The following TMCC1 variants were observed in gnomAD, a reference collection of about 807,000 sequenced individuals.
TMCC1 encodes transmembrane and coiled-coil domain family 1.
In TMCC1, 15 loss-of-function variants were observed where a neutral mutation model predicts 52.4. The observed-to-expected ratio is 0.29, with a 90% CI of 0.19 to 0.44. The LOEUF is 0.44. Among genes scored for constraint, TMCC1 ranks in the 20% least tolerant of loss-of-function variants. The probability of loss-of-function intolerance (pLI) is 1.00; values close to 1 mark genes in which losing one functional copy is unlikely to be tolerated. For missense variants in TMCC1, 503 were observed against 806.0 expected, an observed-to-expected ratio of 0.62 and a Z score of 4.55; for synonymous variants, 279 against 301.9, an observed-to-expected ratio of 0.92 and a Z score of 0.79.
intron 6 of TMCC1, among the ~76,000 whole-genome samples, chr3:129,653,871 T>C (rs190780979): frequency 4.1e-4 from 62 of 152,324 alleles, no homozygotes; most frequent in South Asian, 6.2e-4. Context: ...TACTAATACA[T>C]TAATGAAACA....
At chr3:129,847,379 C>T (rs145710974) in intron 2 of TMCC1, 3 of 152,246 alleles carry the variant, frequency 2.0e-5, no homozygotes, top group African/African-American at 7.2e-5. Context: ...TCATATGCTC[C>T]TAATAGTGCT....
intron 4 of TMCC1, among the ~76,000 whole-genome samples, chr3:129,685,703 TC>T (rs1364715886): frequency 6.6e-6 from 1 of 152,172 alleles, no homozygotes; most frequent in Non-Finnish European, 1.5e-5. Flanking sequence ...ACTAAAGGTT[TC>T]CCAATGATAA....
At chr3:129,718,985 T>C (rs2049341604) in intron 4 of TMCC1, among the ~76,000 whole-genome samples, 1 of 152,138 alleles carries the variant, frequency 6.6e-6, no homozygotes, top group African/African-American at 2.4e-5. Flanking sequence ...GAGTTAACTG[T>C]ATTTGGTCGT....
intron 1 of TMCC1, among the ~76,000 whole-genome samples, chr3:129,889,082 G>C (rs1439042206): frequency 1.3e-5 from 2 of 152,046 alleles, no homozygotes; most frequent in Non-Finnish European, 2.9e-5. Flanking sequence ...GACCAGCCTG[G>C]GCACCATGGT....
chr3:129,655,752 G>A (rs569274793), intron 5 of TMCC1, among the ~76,000 whole-genome samples: 128 of 152,328 alleles, frequency 8.4e-4, no homozygotes, highest in African/African-American at 2.9e-3. Context: ...GAGTGGGGGA[G>A]GCAAGATGAT....
intron 4 of TMCC1, among the ~76,000 whole-genome samples, chr3:129,763,243 T>C: frequency 7.5e-6 from 1 of 133,598 alleles, no homozygotes. Flanking sequence ...AATAAATAAA[T>C]AAATAAATAT....
chr3:129,682,548 G>C (rs1446449673), intron 4 of TMCC1, among the ~76,000 whole-genome samples: 1 of 152,098 alleles, frequency 6.6e-6, no homozygotes, highest in East Asian at 1.9e-4. Flanking sequence ...GCTGGATATA[G>C]CAGTTCTGTA....
chr3:129,883,563 A>C (rs950218117), intron 1 of TMCC1, among the ~76,000 whole-genome samples: 3 of 151,996 alleles, frequency 2.0e-5, no homozygotes, highest in Non-Finnish European at 4.4e-5. Flanking sequence ...GCAGTAATTC[A>C]TGTTTACACC....
chr3:129,665,583 T>C (rs942281440), intron 5 of TMCC1, among the ~76,000 whole-genome samples: 4 of 152,202 alleles, frequency 2.6e-5, no homozygotes, highest in African/African-American at 9.7e-5. Context: ...TGACTCAACT[T>C]TTAGTAAACA....
intron 4 of TMCC1, among the ~76,000 whole-genome samples, chr3:129,752,338 C>A (rs1172382404): frequency 1.3e-5 from 2 of 152,046 alleles, no homozygotes; most frequent in African/African-American, 4.8e-5. Flanking sequence ...ACATGTATCC[C>A]TGCAGGGGAT....
At chr3:129,834,487 A>G (rs1187890721) in intron 2 of TMCC1, among the ~76,000 whole-genome samples, 1 of 152,100 alleles carries the variant, frequency 6.6e-6, no homozygotes, top group Non-Finnish European at 1.5e-5. Context: ...CAGTTGAAAA[A>G]CCTAAAGGCC....
intron 2 of TMCC1, among the ~76,000 whole-genome samples, chr3:129,873,055 C>T (rs2061007460): frequency 1.3e-5 from 2 of 152,174 alleles, no homozygotes; most frequent in Admixed American, 1.3e-4. Flanking sequence ...CACCCCCCAC[C>T]ACGCTTGGCT....
chr3:129,670,638 C>G lies in TMCC1; in HGVS notation c.1203G>C (p.Ala401=). The G allele has an allele frequency of 6.2e-7, 1 of 1,614,192 alleles. No individual in the cohort carries two copies. The highest frequency in any genetic ancestry group is 8.5e-7 in the Non-Finnish European group (1 of 1,180,026). The part of the protein sequence containing the change: ...DSLEEGQVDD[A]GKALGVISNF... The stretch of plus-strand genomic sequence containing the variant: ...TTGAAATCACTCCCAAAGCCTTCCC[C>G]GCATCATCCACTTGCCCTTCCTCTA... The change falls in exon 5 of 7, where the codon GCG becomes GCC. Residue 401 remains alanine, a synonymous_variant. Transcript: ENST00000393238.
At chr3:129,858,520 G>T (rs1459563779) in intron 2 of TMCC1, among the ~76,000 whole-genome samples, 4 of 152,070 alleles carry the variant, frequency 2.6e-5, no homozygotes, top group African/African-American at 4.8e-5. Context: ...ACAGGTGCAT[G>T]CCACCACGTC....
intron 1 of TMCC1, among the ~76,000 whole-genome samples, chr3:129,887,794 TA>T (rs1057305560): frequency 1.4e-4 from 22 of 152,190 alleles, no homozygotes; most frequent in African/African-American, 4.6e-4. Flanking sequence ...GCTGTGGAAC[TA>T]ATCTGTATGA....
intron 2 of TMCC1, among the ~76,000 whole-genome samples, chr3:129,851,879 G>A (rs2059930294): frequency 6.6e-6 from 1 of 152,204 alleles, no homozygotes; most frequent in South Asian, 2.1e-4. Context: ...GCCAGGCGTG[G>A]TGGCTCACGC....
chr3:129,696,357 G>A (rs887347421), intron 4 of TMCC1, among the ~76,000 whole-genome samples: 8 of 152,102 alleles, frequency 5.3e-5, no homozygotes, highest in African/African-American at 1.4e-4. Flanking sequence ...GAACTCTCCC[G>A]TCTTTGTGGA....
At chr3:129,710,600 CTA>C (rs565473331) in intron 4 of TMCC1, among the ~76,000 whole-genome samples, 70 of 152,336 alleles carry the variant, frequency 4.6e-4, no homozygotes, top group Non-Finnish European at 8.4e-4. Context: ...TATGACTATA[CTA>C]TGTCTTCTCC....
chr3:129,782,530 C>T (rs1446363682), intron 4 of TMCC1, among the ~76,000 whole-genome samples: 1 of 152,046 alleles, frequency 6.6e-6, no homozygotes, highest in Non-Finnish European at 1.5e-5. Context: ...GTGAAATGAC[C>T]AACAACAGAA....
Sources: allele counts gnomAD v4.1 joint callset (sites outside exome capture counted in the v4.1 genomes callset), GRCh38; gene constraint gnomAD v4.1.1; transcripts MANE v1.5; gene names NCBI Gene and HGNC (gene_info 2026-07-23, HGNC 2026-07-21).